Variants in NME7 observed in about 807,000 individuals in gnomAD.
The protein encoded by NME7 is NME/NM23 family member 7, also known as nucleoside diphosphate kinase 7.
A neutral mutation model predicts 49.1 loss-of-function variants in NME7; 41 were observed. The ratio of observed to expected loss-of-function variants is 0.83; its 90% CI spans 0.65 to 1.08. The LOEUF (loss-of-function observed/expected upper bound fraction) is 1.08, where lower values mean the gene tolerates loss of function less well. Among genes scored for constraint, NME7 ranks in the 50% least tolerant of loss-of-function variants. The pLI, the probability that NME7 is intolerant of heterozygous loss-of-function variation, is 0.00. For missense variants in NME7, 423 were observed against 463.4 expected (o/e 0.91, Z 0.80); for synonymous variants, 139 against 150.6 (o/e 0.92, Z 0.56).
intron 10 of NME7, among the ~76,000 whole-genome samples, chr1:169,216,719 C>T (rs936948261): frequency 6.6e-6 from 1 of 152,160 alleles, no homozygotes; most frequent in Non-Finnish European, 1.5e-5. Flanking sequence ...AACCCTCAAC[C>T]TATGGGATCT....
chr1:169,254,348 C>A (rs1164253348), intron 7 of NME7, among the ~76,000 whole-genome samples: 1 of 151,902 alleles, frequency 6.6e-6, no homozygotes, highest in Non-Finnish European at 1.5e-5. Context: ...AGTTTATTTG[C>A]GTAGAGGTGT....
chr1:169,275,396 G>A (rs60081101), intron 7 of NME7, among the ~76,000 whole-genome samples: 2,877 of 121,290 alleles, frequency 0.024, 350 homozygotes, highest in African/African-American at 0.071. Context: ...GGAGAATGGC[G>A]TGAACCCGGG....
chr1:169,188,523 C>T (rs1660137142), intron 10 of NME7, among the ~76,000 whole-genome samples: 1 of 152,188 alleles, frequency 6.6e-6, no homozygotes, highest in Non-Finnish European at 1.5e-5. Context: ...TGAATCTCCA[C>T]AAAGAGCACA....
chr1:169,310,055 C>T lies in NME7; in HGVS notation c.304G>A (p.Ala102Thr). ...ATTATTTCTCCAGCCTTTGATATTG[C>T]ATCTGGTTTAATTAGGGCTAGCGTT... ...EKTLALIKPD[A>T]ISKAGEIIEI... Residue 102 changes from alanine (A) to threonine (T), a missense_variant, in exon 4 of 12, where the codon GCA (alanine) becomes ACA (threonine). Coordinates refer to ENST00000367811, the MANE Select transcript of NME7 (RefSeq NM_013330.5). 1.2e-6 allele frequency: 2 copies of T among 1,606,826 alleles called. No individual in the cohort carries two copies. Among genetic ancestry groups the T allele is most frequent in the Non-Finnish European group, 8.5e-7 (1 of 1,176,716 alleles).
chr1:169,293,301 CAAAAA>C (rs200283897), intron 6 of NME7, among the ~76,000 whole-genome samples: 1 of 108,676 alleles, frequency 9.2e-6, no homozygotes. Context: ...CTCTTGTCTC[CAAAAA>C]AAAAAAAAAA....
At chr1:169,140,632 G>A (rs1658563441) in intron 11 of NME7, among the ~76,000 whole-genome samples, 1 of 151,590 alleles carries the variant, frequency 6.6e-6, no homozygotes, top group African/African-American at 2.4e-5. Flanking sequence ...AGCAAGCAGA[G>A]GGGAAAAACT....
intron 10 of NME7, among the ~76,000 whole-genome samples, chr1:169,226,233 C>T (rs1478711310): frequency 6.6e-6 from 1 of 152,118 alleles, no homozygotes; most frequent in Non-Finnish European, 1.5e-5. Context: ...GGCACATCTG[C>T]ACTTTAAGGT....
intron 3 of NME7, among the ~76,000 whole-genome samples, chr1:169,312,241 A>G (rs779032660): frequency 6.6e-6 from 1 of 152,178 alleles, no homozygotes; most frequent in Non-Finnish European, 1.5e-5. Context: ...GTCCTTAAGG[A>G]GGCTAGAGCA....
At chr1:169,159,537 A>G (rs999995861) in intron 11 of NME7, among the ~76,000 whole-genome samples, 1 of 152,168 alleles carries the variant, frequency 6.6e-6, no homozygotes, top group Non-Finnish European at 1.5e-5. Flanking sequence ...CTATTCTCAC[A>G]TGGCTCTGAG....
Position 169,190,974 on chromosome 1 carries a change from G to A in NME7, c.991-21420C>T, listed in dbSNP as rs1459733995. ...ACTACAGGCGCCCGCCACTACGCCC[G>A]GCTAATTTTTTGTATTTTTAGTAGA... On this transcript the variant is annotated intron_variant, in intron 10 of 11. Transcript: ENST00000367811. Among the ~76,000 whole-genome samples the A allele has an allele frequency of 6.1e-5, 7 of 115,570 alleles. 1 individual carries two copies. Among genetic ancestry groups the A allele is most frequent in the African/African-American group, 1.8e-4 (6 of 34,024 alleles). 75.8% of individuals were successfully genotyped at this position (115,570 alleles called of 152,430 possible).
At chr1:169,349,446 A>G (rs1653072611) in intron 1 of NME7, among the ~76,000 whole-genome samples, 1 of 152,204 alleles carries the variant, frequency 6.6e-6, no homozygotes, top group Non-Finnish European at 1.5e-5. Flanking sequence ...CTTATGGAAT[A>G]TGCGTGACAT....
chr1:169,319,413 T>G (rs957178220), intron 3 of NME7, among the ~76,000 whole-genome samples: 1 of 152,240 alleles, frequency 6.6e-6, no homozygotes, highest in Non-Finnish European at 1.5e-5. Context: ...AGCAAATGCT[T>G]GGAATTTTTG....
At chr1:169,251,229 C>A (rs910656617) in intron 7 of NME7, among the ~76,000 whole-genome samples, 20 of 151,758 alleles carry the variant, frequency 1.3e-4, no homozygotes, top group Admixed American at 5.3e-4. Context: ...CATATAATGA[C>A]CTTCTTTGTC....
intron 9 of NME7, 77 bp from the exon 10 acceptor site, chr1:169,230,896 A>C: frequency 1.0e-6 from 1 of 954,154 alleles, no homozygotes; most frequent in South Asian, 2.0e-5. Context: ...TCACTGTTCC[A>C]CTAATGTCCT....
chr1:169,145,804 G>A (rs1447589318), intron 11 of NME7, among the ~76,000 whole-genome samples: 1 of 152,168 alleles, frequency 6.6e-6, no homozygotes, highest in Non-Finnish European at 1.5e-5. Flanking sequence ...ATAACCCCTA[G>A]AAACAAAAAC....
intron 1 of NME7, among the ~76,000 whole-genome samples, chr1:169,360,762 C>T (rs1653623707): frequency 6.6e-6 from 1 of 152,212 alleles, no homozygotes; most frequent in African/African-American, 2.4e-5. Context: ...GCTACTTGCT[C>T]TTGGAACCAA....
Position 169,187,836 on chromosome 1 carries a change from T to C in NME7, c.991-18282A>G, listed in dbSNP as rs115798779. On this transcript the variant is annotated intron_variant, in intron 10 of 11. Transcript: ENST00000367811. The stretch of plus-strand genomic sequence containing the variant: ...CCCGTTAGTTGATGCAGCTTTTTCA[T>C]AGTGTCAGTGGTCTTTAAAATTTGG... Among the ~76,000 whole-genome samples, 475 of 152,332 alleles carry C rather than the reference T, an allele frequency of 3.1e-3. 1 individual carries two copies. The highest frequency in any genetic ancestry group is 0.01 in the Middle Eastern group (3 of 294).
In NME7 at chr1:169,273,731, G is replaced by C. The variant is rs553849382; in HGVS notation, c.754+13572C>G. On this transcript the variant is annotated intron_variant, in intron 7 of 11. Coordinates refer to ENST00000367811, the MANE Select transcript of NME7 (RefSeq NM_013330.5). Reference sequence around the variant, plus strand: ...GCGGTGTTTGGTTTTTTGTCCTTGCGATAGTTTACTGAGAATGATGATTTC... The same window carrying C: ...GCGGTGTTTGGTTTTTTGTCCTTGCCATAGTTTACTGAGAATGATGATTTC... 3.2e-5 allele frequency among the ~76,000 whole-genome samples: 4 copies of C among 124,226 alleles called. 1 individual carries two copies. The highest frequency in any genetic ancestry group is 2.5e-4 in the South Asian group (1 of 3,938). 81.5% of individuals were successfully genotyped at this position (124,226 alleles called of 152,430 possible).
At chr1:169,305,110 T>C (rs1053578105) in intron 4 of NME7, among the ~76,000 whole-genome samples, 1 of 152,350 alleles carries the variant, frequency 6.6e-6, no homozygotes, top group East Asian at 1.9e-4. Context: ...CCTGATTCCA[T>C]AGTTATCTCC....
Sources: gnomAD v4.1 joint callset for allele counts (sites outside exome capture counted in the v4.1 genomes callset) on GRCh38, gnomAD v4.1.1 for gene constraint, MANE v1.5 for transcripts, NCBI Gene and HGNC (gene_info 2026-07-23, HGNC 2026-07-21) for gene names.